KLB: variants seen among roughly 807,000 people sequenced by gnomAD.
The protein encoded by KLB is klotho beta.
KLB carries 44 observed loss-of-function variants against 88.4 expected under a neutral mutation model. That is an observed-to-expected ratio of 0.50 (90% CI 0.39 to 0.64). The LOEUF (loss-of-function observed/expected upper bound fraction) is 0.64. Among genes scored for constraint, KLB ranks in the 30% least tolerant of loss-of-function variants. The pLI, the probability that KLB is intolerant of heterozygous loss-of-function variation, is 0.00. For missense variants in KLB, 1,137 were observed against 1,304.8 expected, an observed-to-expected ratio of 0.87 and a Z score of 1.98; for synonymous variants, 548 against 513.4, an observed-to-expected ratio of 1.07 and a Z score of -0.91.
intron 1 of KLB, among the ~76,000 whole-genome samples, chr4:39,412,492 C>T (rs1430101875): frequency 6.6e-6 from 1 of 152,188 alleles, no homozygotes; most frequent in East Asian, 1.9e-4. Flanking sequence ...TCCTCTTGCA[C>T]TTCATATTCG....
chr4:39,427,482 C>CAA (rs35351344), intron 1 of KLB, among the ~76,000 whole-genome samples: 30 of 117,894 alleles, frequency 2.5e-4, no homozygotes, highest in African/African-American at 6.7e-4. Context: ...GACTCTGTCT[C>CAA]AAAAAAAAAA....
intron 1 of KLB, among the ~76,000 whole-genome samples, chr4:39,426,108 C>T (rs79210298): frequency 0.011 from 1,683 of 152,124 alleles, 12 homozygotes; most frequent in Non-Finnish European, 0.019. Context: ...GAAAATCAGC[C>T]AGGCGTGGTG....
chr4:39,442,058 A>T (rs1428670641), intron 3 of KLB, among the ~76,000 whole-genome samples: 3 of 152,130 alleles, frequency 2.0e-5, no homozygotes, highest in African/African-American at 7.2e-5. Context: ...CCTGGCCATT[A>T]TGGCAAAACC....
intron 1 of KLB, among the ~76,000 whole-genome samples, chr4:39,430,686 C>T (rs774788376): frequency 4.3e-4 from 65 of 150,682 alleles, no homozygotes; most frequent in Admixed American, 1.1e-3. Flanking sequence ...CTGCAACCTC[C>T]GCCTCCTGGG....
At position 39,406,974 on chromosome 4, in the gene KLB, T is replaced by C; in HGVS notation, c.25T>C (p.Ser9Pro). The C allele has an allele frequency of 6.2e-7, 1 of 1,611,578 alleles. No individual in the cohort carries two copies. The highest frequency in any genetic ancestry group is 1.1e-5 in the South Asian group (1 of 90,966). ...AATGAAGCCAGGCTGTGCGGCAGGA[T>C]CTCCAGGGAATGAATGGATTTTCTT... Reference protein sequence around the residue: MKPGCAAGSPGNEWIFFST... With the variant: MKPGCAAGPPGNEWIFFST... Residue 9 changes from serine (S) to proline (P), a missense_variant, in exon 1 of 5, where the codon TCT becomes CCT. By Grantham distance (74) the Ser-to-Pro change is moderately conservative (BLOSUM62 -1). Transcript: ENST00000257408.
intron 3 of KLB, among the ~76,000 whole-genome samples, chr4:39,443,540 C>T (rs983772109): frequency 1.4e-5 from 2 of 144,942 alleles, no homozygotes; most frequent in Non-Finnish European, 3.0e-5. Context: ...AGGTCAGGAC[C>T]TGTCTGGCCT....
intron 3 of KLB, among the ~76,000 whole-genome samples, 160 bp downstream of exon 3, chr4:39,438,155 A>G (rs943374379): frequency 6.6e-6 from 1 of 152,120 alleles, no homozygotes; most frequent in Non-Finnish European, 1.5e-5. Flanking sequence ...GAGAAAAAGA[A>G]GGAAATAAAT....
At chr4:39,424,777 T>A (rs1973107) in intron 1 of KLB, among the ~76,000 whole-genome samples, 13 of 152,010 alleles carry the variant, frequency 8.6e-5, no homozygotes, top group Admixed American at 3.3e-4. Flanking sequence ...TACAGGCATG[T>A]GCCACCACGC....
intron 1 of KLB, among the ~76,000 whole-genome samples, chr4:39,409,849 G>C (rs923964433): frequency 2.0e-5 from 3 of 151,866 alleles, no homozygotes; most frequent in South Asian, 2.1e-4. Context: ...CCTTGAACCC[G>C]GGAGGCAGAG....
intron 1 of KLB, among the ~76,000 whole-genome samples, chr4:39,409,042 A>T (rs901218055): frequency 6.6e-6 from 1 of 151,396 alleles, no homozygotes; most frequent in Admixed American, 6.6e-5. Context: ...ACTTTTCTGG[A>T]TTATTACACA....
intron 3 of KLB, among the ~76,000 whole-genome samples, chr4:39,445,567 T>C (rs1743721357): frequency 6.7e-6 from 1 of 149,050 alleles, no homozygotes; most frequent in South Asian, 2.1e-4. Flanking sequence ...TGCAATGGCA[T>C]GATCTCGGCT....
rs998674360 is a variant in KLB, at chr4:39,440,170, G to C, written c.1605+2175G>C. On this transcript the variant is annotated intron_variant, in intron 3 of 4. Transcript: ENST00000257408. Reference sequence around the variant, plus strand: ...TTCTTTTCTTTTCTTTTTTGAGACAGAGTCTTACTGTGTTGCCCAGGCTGG... The same window carrying C: ...TTCTTTTCTTTTCTTTTTTGAGACACAGTCTTACTGTGTTGCCCAGGCTGG... Among the ~76,000 whole-genome samples, 36 of 150,228 alleles carry C rather than the reference G, an allele frequency of 2.4e-4. 1 individual carries two copies. The highest frequency in any genetic ancestry group is 8.6e-4 in the African/African-American group (35 of 40,824).
At chr4:39,435,788 AG>A (rs1165289840) in intron 2 of KLB, among the ~76,000 whole-genome samples, 16 of 152,372 alleles carry the variant, frequency 1.1e-4, no homozygotes, top group African/African-American at 3.8e-4. Context: ...TTAAAATAAA[AG>A]TTTGAGAACA....
chr4:39,407,153 T>G lies in KLB; in HGVS notation c.204T>G (p.Thr68=), dbSNP rs1742746797. 5.0e-6 allele frequency: 8 copies of G among 1,614,068 alleles called. No individual in the cohort carries two copies. Among genetic ancestry groups the G allele is most frequent in the Non-Finnish European group, 5.9e-6 (7 of 1,180,006 alleles). ...TATGGTCTAAAAATCCTAATTTTAC[T>G]CCGGTAAATGAAAGTCAGCTGTTTC... ...RAIWSKNPNF[T]PVNESQLFLY... Residue 68 remains threonine (T), a synonymous_variant, in exon 1 of 5, where the codon ACT becomes ACG. Transcript: ENST00000257408.
At chr4:39,439,041 C>T (rs1743538985) in intron 3 of KLB, among the ~76,000 whole-genome samples, 1 of 148,320 alleles carries the variant, frequency 6.7e-6, no homozygotes, top group African/African-American at 2.5e-5. Flanking sequence ...CTTGCTCTGT[C>T]ACCCAGACTG....
intron 1 of KLB, among the ~76,000 whole-genome samples, chr4:39,411,038 T>G (rs1250477399): frequency 6.6e-6 from 1 of 152,118 alleles, no homozygotes; most frequent in Non-Finnish European, 1.5e-5. Flanking sequence ...ATGAACCAAC[T>G]CTAAGTTTTT....
intron 3 of KLB, among the ~76,000 whole-genome samples, chr4:39,439,003 C>T (rs1743538143): frequency 2.1e-5 from 3 of 139,978 alleles, no homozygotes; most frequent in African/African-American, 2.6e-5. Flanking sequence ...TCTACTTCAT[C>T]TTTTTTTTTT....
At position 39,451,170 on chromosome 4, in the gene KLB, A is replaced by C. The variant is rs1441893350; in HGVS notation, c.*2484A>C. Reference sequence around the variant, plus strand: ...TCGCACAAGAATCCAAAAACCCTTAAATTTTTTAACCACTGGCAAATATGT... The same window carrying C: ...TCGCACAAGAATCCAAAAACCCTTACATTTTTTAACCACTGGCAAATATGT... On this transcript the variant is annotated 3_prime_UTR_variant, in exon 5 of 5. Coordinates refer to ENST00000257408, the MANE Select transcript of KLB (RefSeq NM_175737.4). 1 of 152,198 alleles carries C rather than the reference A, an allele frequency of 6.6e-6. No homozygotes were observed. The highest frequency in any genetic ancestry group is 1.5e-5 in the Non-Finnish European group (1 of 68,040). The allele number at this position is 152,198 out of a possible 1,614,324, so 9.4% of individuals were successfully genotyped here. A position where few individuals can be genotyped will look rare whatever the true frequency, so the allele number is the denominator to read the frequency against.
chr4:39,410,234 G>A (rs1225219374), intron 1 of KLB, among the ~76,000 whole-genome samples: 1 of 152,068 alleles, frequency 6.6e-6, no homozygotes, highest in African/African-American at 2.4e-5. Context: ...GAATAAACAG[G>A]CAAAAAGCTT....
Sources: allele counts gnomAD v4.1 joint callset (sites outside exome capture counted in the v4.1 genomes callset), GRCh38; gene constraint gnomAD v4.1.1; transcripts MANE v1.5; gene names NCBI Gene and HGNC (gene_info 2026-07-23, HGNC 2026-07-21).